The following DCLRE1B variants were observed in gnomAD, a reference collection of about 807,000 sequenced individuals.
The protein encoded by DCLRE1B is DNA cross-link repair 1B, also known as 5' exonuclease Apollo.
A neutral mutation model predicts 19.8 loss-of-function variants in DCLRE1B; 6 were observed. The ratio of observed to expected loss-of-function variants is 0.30; its 90% CI spans 0.17 to 0.60. The LOEUF is 0.60. Ranked by LOEUF, DCLRE1B falls within the 20% of genes least tolerant of loss-of-function variation. DCLRE1B has a pLI of 0.87. For synonymous variants in DCLRE1B, 258 were observed against 255.7 expected (o/e 1.01, Z -0.09); for missense variants, 622 against 654.2 (o/e 0.95, Z 0.54).
rs765562315 is a variant in DCLRE1B, at chr1:113,907,198, C to T, written c.355+37C>T. 1.9e-5 allele frequency: 8 copies of T among 413,600 alleles called. No homozygotes were observed. In the African/African-American group the frequency reaches 4.7e-4, roughly 24 times the overall value. 25.6% of individuals were successfully genotyped at this position (413,600 alleles called of 1,614,324 possible). ...AAGGAATCCCAGTGACTTCTCCAGA[C>T]TAGATGTTTTTTTTTTTTTTTTTTT... On this transcript the variant is annotated intron_variant, in intron 2 of 3. Transcript: ENST00000650450.
upstream of DCLRE1B, chr1:113,904,719 T>G (rs553819660): frequency 1.1e-5 from 18 of 1,612,008 alleles, no homozygotes; most frequent in East Asian, 4.0e-4. Flanking sequence ...GTACGGCATC[T>G]TCCTAAGAGT....
At chr1:113,907,229 T>TTTTTTTTTTTTTA (rs1669066547) in intron 2 of DCLRE1B, 68 bp downstream of exon 2, 1 of 1,122,514 alleles carries the variant, frequency 8.9e-7, no homozygotes, top group African/African-American at 1.9e-5. Context: ...TTTTTTTTTT[T>TTTTTTTTTTTTTA]TTTTTAATGT....
upstream of DCLRE1B, chr1:113,904,952 C>T (rs1180253179): frequency 1.4e-5 from 7 of 502,242 alleles, no homozygotes; most frequent in Admixed American, 9.7e-5. Context: ...CGTCGGCCGG[C>T]AGGCCGTTCG....
intron 1 of DCLRE1B, among the ~76,000 whole-genome samples, chr1:113,906,351 C>A (rs1454108685): frequency 6.6e-6 from 1 of 151,922 alleles, no homozygotes; most frequent in East Asian, 1.9e-4. Flanking sequence ...AGCCACCACG[C>A]CCCGCCTAAA....
chr1:113,905,541 C>G lies in DCLRE1B; in HGVS notation c.-46C>G, dbSNP rs1558102889. ...GTTGTGGAAGCCTCACGCAGGAGCC[C>G]TGCCCCCGTGGAGAAGATCCCACTG... On this transcript the variant is annotated 5_prime_UTR_variant, in exon 1 of 4. Coordinates refer to ENST00000650450, the MANE Select transcript of DCLRE1B (RefSeq NM_022836.4). 6.3e-7 allele frequency: 1 copy of G among 1,595,640 alleles called. No homozygotes were observed.
intron 1 of DCLRE1B, among the ~76,000 whole-genome samples, chr1:113,906,697 G>T (rs1000671626): frequency 2.0e-5 from 3 of 151,542 alleles, no homozygotes; most frequent in Non-Finnish European, 2.9e-5. Context: ...GTTTCACCGT[G>T]TTAGCCAGGA....
intron 1 of DCLRE1B, 60 bp downstream of exon 1, chr1:113,905,835 C>T: frequency 4.6e-6 from 7 of 1,532,610 alleles, no homozygotes; most frequent in East Asian, 2.3e-5. Flanking sequence ...GGACTTCAAC[C>T]TGTCATTCTT....
Position 113,905,481 on chromosome 1 carries a change from T to C in DCLRE1B, c.-106T>C. On this transcript the variant is annotated 5_prime_UTR_variant, in exon 1 of 4. Coordinates refer to ENST00000650450, the MANE Select transcript of DCLRE1B (RefSeq NM_022836.4). Reference sequence around the variant, plus strand: ...CTCTTTCCCTTAGGGTCTCTGGCCCTGTTCTTGCCCCAGCATGACTTTTAT... The same window carrying C: ...CTCTTTCCCTTAGGGTCTCTGGCCCCGTTCTTGCCCCAGCATGACTTTTAT... 1 of 1,181,330 alleles carries C rather than the reference T, an allele frequency of 8.5e-7. No homozygotes were observed. The allele number at this position is 1,181,330 out of a possible 1,614,324, so 73.2% of individuals were successfully genotyped here.
chr1:113,905,457 T>G lies in DCLRE1B; in HGVS notation c.-130T>G. ...CTGGTAACTTATTGCTCTGCTGGGC[T>G]CTTTCCCTTAGGGTCTCTGGCCCTG... On this transcript the variant is annotated 5_prime_UTR_variant, in exon 1 of 4. Transcript: ENST00000650450. 1 of 897,292 alleles carries G rather than the reference T, an allele frequency of 1.1e-6. No homozygotes were observed. The highest frequency in any genetic ancestry group is 1.6e-5 in the South Asian group (1 of 63,334). 55.6% of individuals were successfully genotyped at this position (897,292 alleles called of 1,614,324 possible). A position where few individuals can be genotyped will look rare whatever the true frequency, so the allele number is the denominator to read the frequency against.
At position 113,913,834 on chromosome 1, in the gene DCLRE1B, A is replaced by G. The variant is rs762746322; in HGVS notation, c.*1643A>G. On this transcript the variant is annotated 3_prime_UTR_variant, in exon 4 of 4. Coordinates refer to ENST00000650450, the MANE Select transcript of DCLRE1B (RefSeq NM_022836.4). ...TTGCTATCTTTTAGTTTTTTTTTCT[A>G]TGCATGTAGATGTATTAAATATGTA... 1 of 151,746 alleles carries G rather than the reference A, an allele frequency of 6.6e-6. No homozygotes were observed. The highest frequency in any genetic ancestry group is 1.5e-5 in the Non-Finnish European group (1 of 67,918). The allele number at this position is 151,746 out of a possible 1,614,324, so 9.4% of individuals were successfully genotyped here.
intron 3 of DCLRE1B, among the ~76,000 whole-genome samples, 198 bp downstream of exon 3, chr1:113,908,389 T>C (rs1669122473): frequency 6.6e-6 from 1 of 152,190 alleles, no homozygotes; most frequent in Non-Finnish European, 1.5e-5. Flanking sequence ...GGGAGGGTCA[T>C]TTGAGCCCAG....
chr1:113,905,014 G>C (rs960252580), upstream of DCLRE1B: 6 of 431,606 alleles, frequency 1.4e-5, no homozygotes, highest in Admixed American at 3.5e-5. Flanking sequence ...CGGATTTCCA[G>C]CGCCGCGTCC....
rs750343949 is a variant in DCLRE1B, at chr1:113,908,027, C to T, written c.374C>T (p.Pro125Leu). Residue 125 changes from proline to leucine, a missense_variant, in exon 3 of 4, where the codon CCA becomes CTA. Transcript: ENST00000650450. ...CCTCCAGGTGATTTTCGATACACACCATCCATGCTAAAGGAGCCAGCCCTG... is the reference window on the plus strand; with the variant it reads ...CCTCCAGGTGATTTTCGATACACACTATCCATGCTAAAGGAGCCAGCCCTG... Reference protein sequence around the residue: ...ILYTGDFRYTPSMLKEPALTL... With the variant: ...ILYTGDFRYTLSMLKEPALTL... 4.3e-6 allele frequency: 7 copies of T among 1,613,832 alleles called. No homozygotes were observed. The highest frequency in any genetic ancestry group is 4.2e-6 in the Non-Finnish European group (5 of 1,179,858).
chr1:113,907,699 C>T (rs1170570372), intron 2 of DCLRE1B, among the ~76,000 whole-genome samples: 1 of 152,132 alleles, frequency 6.6e-6, no homozygotes, highest in Non-Finnish European at 1.5e-5. Flanking sequence ...GTCTCGAACT[C>T]CTGACCTCAG....
chr1:113,906,737 C>T (rs1460248761), intron 1 of DCLRE1B, among the ~76,000 whole-genome samples: 7 of 152,116 alleles, frequency 4.6e-5, no homozygotes, highest in Non-Finnish European at 7.3e-5. Context: ...TCGTGATCCA[C>T]CCGCCTCAGC....
At chr1:113,907,666 G>T (rs1669087827) in intron 2 of DCLRE1B, among the ~76,000 whole-genome samples, 1 of 152,068 alleles carries the variant, frequency 6.6e-6, no homozygotes, top group African/African-American at 2.4e-5. Context: ...TAGAGACGGG[G>T]TTTCACCATG....
At chr1:113,907,231 T>TAGA in intron 2 of DCLRE1B, 70 bp downstream of exon 2, 1 of 1,225,484 alleles carries the variant, frequency 8.2e-7, no homozygotes, top group Non-Finnish European at 1.1e-6. Context: ...TTTTTTTTTT[T>TAGA]TTTAATGTAT....
chr1:113,907,183 A>G (rs761196801), intron 2 of DCLRE1B, 22 bp downstream of exon 2: 10 of 1,041,278 alleles, frequency 9.6e-6, no homozygotes, highest in Non-Finnish European at 1.4e-5. Context: ...AAGGAATCCC[A>G]GTGACTTCTC....
chr1:113,905,738 C>G lies in DCLRE1B; in HGVS notation c.152C>G (p.Ser51Cys). 4.3e-6 allele frequency: 7 copies of G among 1,614,004 alleles called. No homozygotes were observed. The highest frequency in any genetic ancestry group is 5.9e-6 in the Non-Finnish European group (7 of 1,179,950). The change falls in exon 1 of 4, where the codon TCC (serine) becomes TGC (cysteine). Residue 51 changes from serine to cysteine, a missense_variant. Transcript: ENST00000650450. The stretch of plus-strand genomic sequence containing the variant: ...ACCTGGGCCCGGCCCCTCTACTGCT[C>G]CCCAATTACAGCCCACCTCTTGCAT... Reference protein sequence around the residue: ...SSTWARPLYCSPITAHLLHRH... With the variant: ...SSTWARPLYCCPITAHLLHRH...
Sources: gnomAD v4.1 joint callset for allele counts (sites outside exome capture counted in the v4.1 genomes callset) on GRCh38, gnomAD v4.1.1 for gene constraint, MANE v1.5 for transcripts, NCBI Gene and HGNC (gene_info 2026-07-23, HGNC 2026-07-21) for gene names.